CTNNA2: variants seen among roughly 807,000 people sequenced by gnomAD.
CTNNA2 encodes the protein catenin alpha 2, also known as catenin alpha-2.
In CTNNA2, 42 loss-of-function variants were observed where a neutral mutation model predicts 101.0. The observed-to-expected ratio is 0.42, with a 90% CI of 0.32 to 0.54. CTNNA2 has a LOEUF of 0.54. Among genes scored for constraint, CTNNA2 ranks in the 20% least tolerant of loss-of-function variants. CTNNA2 has a pLI of 0.14. For synonymous variants in CTNNA2, 450 were observed against 456.4 expected, an observed-to-expected ratio of 0.99 and a Z score of 0.18; for missense variants, 871 against 1,223.1, an observed-to-expected ratio of 0.71 and a Z score of 4.29.
intron 2 of CTNNA2, among the ~76,000 whole-genome samples, chr2:79,277,563 C>G (rs1355201823): frequency 1.3e-5 from 2 of 152,066 alleles, no homozygotes; most frequent in African/African-American, 4.8e-5. Flanking sequence ...CTGAGCCAAC[C>G]CATGTGCCTA....
intron 7 of CTNNA2, among the ~76,000 whole-genome samples, chr2:80,239,661 C>G (rs1308571328): frequency 6.6e-6 from 1 of 152,036 alleles, no homozygotes; most frequent in African/African-American, 2.4e-5. Context: ...TCTGTAATCC[C>G]AGCACTTTGG....
intron 4 of CTNNA2, among the ~76,000 whole-genome samples, chr2:79,393,909 T>A (rs1048021231): frequency 6.2e-4 from 95 of 152,240 alleles, no homozygotes; most frequent in Non-Finnish European, 1.0e-4. Flanking sequence ...CCACCTTCCC[T>A]GCTCAGGGTC....
At chr2:79,823,861 C>G (rs1678214248) in intron 3 of CTNNA2, among the ~76,000 whole-genome samples, 1 of 152,076 alleles carries the variant, frequency 6.6e-6, no homozygotes, top group Non-Finnish European at 1.5e-5. Context: ...AGATAAAAAC[C>G]TTACTACTTG....
intron 7 of CTNNA2, among the ~76,000 whole-genome samples, chr2:80,335,755 A>T (rs1671716455): frequency 6.6e-6 from 1 of 152,204 alleles, no homozygotes; most frequent in Non-Finnish European, 1.5e-5. Flanking sequence ...TAAATTCCAC[A>T]AGTGAGAGTT....
At chr2:79,324,868 C>T (rs1189248321) in intron 3 of CTNNA2, among the ~76,000 whole-genome samples, 2 of 152,134 alleles carry the variant, frequency 1.3e-5, no homozygotes, top group Non-Finnish European at 2.9e-5. Flanking sequence ...TGAAGCAAAA[C>T]CGTATTTAAC....
chr2:79,752,748 G>C (rs1672125836), intron 3 of CTNNA2, among the ~76,000 whole-genome samples: 1 of 152,146 alleles, frequency 6.6e-6, no homozygotes, highest in Non-Finnish European at 1.5e-5. Context: ...GGAGAGAAAT[G>C]GAGAGGAGCA....
At chr2:79,483,439 G>T (rs1056569228) in intron 4 of CTNNA2, among the ~76,000 whole-genome samples, 2 of 152,126 alleles carry the variant, frequency 1.3e-5, no homozygotes, top group Non-Finnish European at 2.9e-5. Context: ...TGCAATCAAG[G>T]TATCAGCCAG....
intron 3 of CTNNA2, among the ~76,000 whole-genome samples, chr2:79,815,135 T>C (rs1283137173): frequency 6.6e-6 from 1 of 152,124 alleles, no homozygotes; most frequent in African/African-American, 2.4e-5. Flanking sequence ...TTATTCTTAC[T>C]GAGTTGTTTG....
At chr2:80,147,171 G>C (rs1166149949) in intron 7 of CTNNA2, among the ~76,000 whole-genome samples, 1 of 151,832 alleles carries the variant, frequency 6.6e-6, no homozygotes, top group Non-Finnish European at 1.5e-5. Context: ...TCACTATGTT[G>C]GTCAGGCTGG....
intron 18 of CTNNA2, among the ~76,000 whole-genome samples, chr2:80,629,272 T>A (rs1209908254): frequency 2.6e-5 from 4 of 152,106 alleles, no homozygotes; most frequent in Non-Finnish European, 5.9e-5. Flanking sequence ...TCATCAAGAT[T>A]GCATTCTTTT....
intron 7 of CTNNA2, among the ~76,000 whole-genome samples, chr2:79,935,608 T>G (rs1353263657): frequency 6.6e-6 from 1 of 152,166 alleles, no homozygotes; most frequent in Non-Finnish European, 1.5e-5. Context: ...AATTCTACAT[T>G]TCAAATATCT....
chr2:79,849,252 A>T (rs1257733985), intron 3 of CTNNA2, among the ~76,000 whole-genome samples: 1 of 151,524 alleles, frequency 6.6e-6, no homozygotes, highest in Non-Finnish European at 1.5e-5. Context: ...TTCTTATTTT[A>T]TAATATTTAC....
At chr2:79,914,059 C>CGGGAG (rs1686006056) in intron 7 of CTNNA2, among the ~76,000 whole-genome samples, 1 of 144,624 alleles carries the variant, frequency 6.9e-6, no homozygotes. Context: ...CCCAGCTACT[C>CGGGAG]GGGAGGCTGA....
intron 6 of CTNNA2, among the ~76,000 whole-genome samples, chr2:79,877,147 G>T (rs1375896185): frequency 6.6e-6 from 1 of 151,646 alleles, no homozygotes; most frequent in Non-Finnish European, 1.5e-5. Context: ...AATGTATACT[G>T]TTTCTCAAGC....
chr2:80,599,192 A>G, intron 15 of CTNNA2, among the ~76,000 whole-genome samples: 1 of 152,210 alleles, frequency 6.6e-6, no homozygotes, highest in African/African-American at 2.4e-5. Context: ...AATTAAACTT[A>G]GTTCCTCAGC....
chr2:79,427,136 C>T (rs868731250), intron 4 of CTNNA2, among the ~76,000 whole-genome samples: 1 of 151,816 alleles, frequency 6.6e-6, no homozygotes, highest in African/African-American at 2.4e-5. Context: ...GCAATAACAC[C>T]TGCTATAAGC....
intron 7 of CTNNA2, among the ~76,000 whole-genome samples, chr2:80,347,307 A>T (rs1947034): frequency 0.28 from 42,074 of 152,042 alleles, 6,421 homozygotes; most frequent in East Asian, 0.52. Context: ...TGTAAAACCA[A>T]TTTTTGTGGT....
intron 1 of CTNNA2, among the ~76,000 whole-genome samples, chr2:79,639,843 T>C (rs1224380365): frequency 1.3e-5 from 2 of 152,146 alleles, no homozygotes; most frequent in Admixed American, 1.3e-4. Context: ...AGAACACTTA[T>C]TTTTCCAGGT....
At chr2:80,004,549 C>A (rs984182054) in intron 7 of CTNNA2, among the ~76,000 whole-genome samples, 24 of 152,138 alleles carry the variant, frequency 1.6e-4, no homozygotes, top group Non-Finnish European at 8.8e-5. Context: ...CTAATTTTAT[C>A]TTCTTGACAT....
Sources: allele counts gnomAD v4.1 joint callset (sites outside exome capture counted in the v4.1 genomes callset), GRCh38; gene constraint gnomAD v4.1.1; transcripts MANE v1.5; gene names NCBI Gene and HGNC (gene_info 2026-07-23, HGNC 2026-07-21).